The following MCTP1 variants were observed in gnomAD, a reference collection of about 807,000 sequenced individuals.
MCTP1 encodes multiple C2 and transmembrane domain-containing protein 1.
A neutral mutation model predicts 120.6 loss-of-function variants in MCTP1; 69 were observed. That is an observed-to-expected ratio of 0.57 (90% CI 0.47 to 0.70). The LOEUF (loss-of-function observed/expected upper bound fraction) is 0.70, where lower values mean the gene tolerates loss of function less well. MCTP1 is among the 30% of genes least tolerant of loss of function. The probability of loss-of-function intolerance (pLI) is 0.00; values close to 1 mark genes in which losing one functional copy is unlikely to be tolerated. For missense variants in MCTP1, 1,203 were observed against 1,248.8 expected (o/e 0.96, Z 0.55); for synonymous variants, 529 against 493.1 (o/e 1.07, Z -0.96).
chr5:95,217,662 G>A (rs1403501044), intron 1 of MCTP1, among the ~76,000 whole-genome samples: 1 of 152,032 alleles, frequency 6.6e-6, no homozygotes, highest in Non-Finnish European at 1.5e-5. Context: ...GAAGTTCTGA[G>A]GCTTGGTAAT....
intron 1 of MCTP1, among the ~76,000 whole-genome samples, chr5:95,031,825 A>G (rs1449407825): frequency 6.6e-6 from 1 of 152,150 alleles, no homozygotes; most frequent in African/African-American, 2.4e-5. Flanking sequence ...CAAAGATCCA[A>G]TTTTTTGTTG....
chr5:95,097,092 T>G (rs1756328767), intron 1 of MCTP1, among the ~76,000 whole-genome samples: 1 of 152,130 alleles, frequency 6.6e-6, no homozygotes, highest in Non-Finnish European at 1.5e-5. Context: ...AATGCCTATT[T>G]GTATATATTA....
At chr5:95,196,399 TC>T (rs987422457) in intron 1 of MCTP1, among the ~76,000 whole-genome samples, 4 of 152,188 alleles carry the variant, frequency 2.6e-5, no homozygotes, top group African/African-American at 9.7e-5. Context: ...TGGAACAATT[TC>T]CTCAAGAATA....
intron 1 of MCTP1, among the ~76,000 whole-genome samples, chr5:95,151,185 T>C (rs1271312370): frequency 6.7e-6 from 1 of 149,224 alleles, no homozygotes; most frequent in African/African-American, 2.5e-5. Context: ...GGTTTTGCCA[T>C]GTTGCCCAGG....
In MCTP1 at chr5:95,164,491, T is replaced by C. The variant is rs191006231; in HGVS notation, c.720+119365A>G. Among the ~76,000 whole-genome samples the C allele has an allele frequency of 1.2e-3, 180 of 152,278 alleles. 2 individuals are homozygous for C. The highest frequency in any genetic ancestry group is 4.0e-3 in the African/African-American group (168 of 41,570). The stretch of plus-strand genomic sequence containing the variant: ...CAAATTAATTACCTAAACACAATTA[T>C]GTCACCAATTTTTAAATTTGCTCAC... On this transcript the variant is annotated intron_variant, in intron 1 of 22. Transcript: ENST00000515393.
chr5:94,889,522 G>A (rs1462243003), intron 11 of MCTP1, among the ~76,000 whole-genome samples: 2 of 152,158 alleles, frequency 1.3e-5, no homozygotes, highest in Non-Finnish European at 2.9e-5. Flanking sequence ...CCGGGAGGCA[G>A]AGGTTGCAGT....
chr5:94,896,472 T>A (rs1254694715), intron 10 of MCTP1, among the ~76,000 whole-genome samples: 3 of 152,326 alleles, frequency 2.0e-5, no homozygotes, highest in African/African-American at 7.2e-5. Flanking sequence ...CTTCCTTTTT[T>A]ATATAATGCT....
intron 10 of MCTP1, among the ~76,000 whole-genome samples, chr5:94,904,006 C>T (rs176809): frequency 0.23 from 34,835 of 152,078 alleles, 4,992 homozygotes; most frequent in Non-Finnish European, 0.31. Context: ...AGCTGATTAT[C>T]GTAAAGGGGG....
chr5:95,182,795 G>A (rs1470151546), intron 1 of MCTP1, among the ~76,000 whole-genome samples: 1 of 152,026 alleles, frequency 6.6e-6, no homozygotes, highest in Non-Finnish European at 1.5e-5. Context: ...AGGCCGAGGC[G>A]GGTGGATCAC....
intron 1 of MCTP1, among the ~76,000 whole-genome samples, chr5:95,167,522 C>T (rs1240434767): frequency 6.6e-6 from 1 of 152,206 alleles, no homozygotes; most frequent in Non-Finnish European, 1.5e-5. Flanking sequence ...TACAGTCCCA[C>T]CAACAGTGTA....
intron 10 of MCTP1, among the ~76,000 whole-genome samples, chr5:94,904,990 G>T (rs1000200133): frequency 2.0e-5 from 3 of 152,182 alleles, no homozygotes; most frequent in Non-Finnish European, 4.4e-5. Flanking sequence ...TTGCTTTAAT[G>T]GAGAAAAACA....
intron 17 of MCTP1, among the ~76,000 whole-genome samples, chr5:94,828,984 G>A (rs1787875881): frequency 6.8e-6 from 1 of 147,396 alleles, no homozygotes; most frequent in Admixed American, 6.8e-5. Context: ...GAGACACTGG[G>A]GTATGAAAAA....
At chr5:94,739,110 T>G (rs1404431918) in intron 19 of MCTP1, 2 of 152,258 alleles carry the variant, frequency 1.3e-5, no homozygotes, top group Non-Finnish European at 2.9e-5. Context: ...GAAAATTGTG[T>G]TTAAAATTTG....
At chr5:95,268,592 T>C (rs1210428210) in intron 1 of MCTP1, among the ~76,000 whole-genome samples, 1 of 152,182 alleles carries the variant, frequency 6.6e-6, no homozygotes, top group Non-Finnish European at 1.5e-5. Flanking sequence ...TCTTAAAAGC[T>C]TGGGGTATAG....
chr5:95,235,535 T>C (rs1755445141), intron 1 of MCTP1, among the ~76,000 whole-genome samples: 1 of 152,018 alleles, frequency 6.6e-6, no homozygotes, highest in African/African-American at 2.4e-5. Context: ...TTTCTTTCTT[T>C]CCTTACTATG....
intron 12 of MCTP1, among the ~76,000 whole-genome samples, chr5:94,875,318 T>C (rs78932620): frequency 2.0e-5 from 3 of 152,028 alleles, no homozygotes; most frequent in African/African-American, 4.8e-5. Context: ...GAAGTGGCTG[T>C]GCCAGGCATT....
At chr5:95,215,148 C>T (rs1384080835) in intron 1 of MCTP1, among the ~76,000 whole-genome samples, 1 of 152,158 alleles carries the variant, frequency 6.6e-6, no homozygotes, top group East Asian at 1.9e-4. Flanking sequence ...CCTTTCTTCC[C>T]TTTTGCTTGG....
At chr5:95,015,065 C>G (rs1836822009) in intron 2 of MCTP1, among the ~76,000 whole-genome samples, 1 of 152,022 alleles carries the variant, frequency 6.6e-6, no homozygotes, top group Admixed American at 6.6e-5. Flanking sequence ...AAGGTACATA[C>G]ATTTTTAGAC....
At chr5:94,930,071 C>T (rs1221939273) in intron 6 of MCTP1, among the ~76,000 whole-genome samples, 1 of 151,448 alleles carries the variant, frequency 6.6e-6, no homozygotes, top group Non-Finnish European at 1.5e-5. Context: ...TGCATCCGTT[C>T]GAATATATAA....
Sources: gnomAD v4.1 joint callset for allele counts (sites outside exome capture counted in the v4.1 genomes callset) on GRCh38, gnomAD v4.1.1 for gene constraint, MANE v1.5 for transcripts, NCBI Gene and HGNC (gene_info 2026-07-23, HGNC 2026-07-21) for gene names.